TUT4: variants seen among roughly 807,000 people sequenced by gnomAD.
TUT4 encodes the protein terminal uridylyltransferase 4.
A neutral mutation model predicts 192.2 loss-of-function variants in TUT4; 36 were observed. The observed-to-expected ratio is 0.19, with a 90% confidence interval of 0.14 to 0.25. TUT4 has a LOEUF of 0.25. Among genes scored for constraint, TUT4 ranks in the 10% least tolerant of loss-of-function variants. The pLI is 1.00. For missense variants in TUT4, 1,493 were observed against 1,957.2 expected (o/e 0.76, Z 4.47); for synonymous variants, 618 against 666.0 (o/e 0.93, Z 1.11).
At chr1:52,530,118 C>G (rs1237776198) in intron 1 of TUT4, among the ~76,000 whole-genome samples, 1 of 152,136 alleles carries the variant, frequency 6.6e-6, no homozygotes, top group Non-Finnish European at 1.5e-5. Flanking sequence ...GCTAGGACTA[C>G]AGGCATGAGT....
At chr1:52,535,010 T>A (rs1009229273) in intron 1 of TUT4, 1 of 152,210 alleles carries the variant, frequency 6.6e-6, no homozygotes, top group East Asian at 1.9e-4. Flanking sequence ...TAAGAAAACT[T>A]CTAGGATGAT....
At chr1:52,470,347 T>TA (rs1162047053) in intron 14 of TUT4, among the ~76,000 whole-genome samples, 1 of 152,014 alleles carries the variant, frequency 6.6e-6, no homozygotes, top group African/African-American at 2.4e-5. Context: ...TTGAGGTAAA[T>TA]AAATTACTAA....
intron 16 of TUT4, chr1:52,463,469 C>T (rs1267552700): frequency 9.5e-7 from 1 of 1,050,480 alleles, no homozygotes; most frequent in Non-Finnish European, 1.2e-6. Flanking sequence ...CCGGGTCTAA[C>T]AATTTCAAAA....
chr1:52,476,672 AAAG>A (rs1457495778), intron 12 of TUT4, among the ~76,000 whole-genome samples: 1 of 152,224 alleles, frequency 6.6e-6, no homozygotes, highest in Admixed American at 6.5e-5. Context: ...AAAGAAAAAA[AAAG>A]AGATAAATTA....
intron 24 of TUT4, among the ~76,000 whole-genome samples, chr1:52,440,154 G>A (rs189936580): frequency 8.5e-5 from 13 of 152,248 alleles, no homozygotes; most frequent in Admixed American, 2.6e-4. Context: ...TGAGGACAAG[G>A]GTTTATTTTA....
At chr1:52,542,921 A>G (rs1046372829) in intron 1 of TUT4, among the ~76,000 whole-genome samples, 6 of 151,870 alleles carry the variant, frequency 4.0e-5, no homozygotes, top group African/African-American at 1.5e-4. Flanking sequence ...ATGCCCAGCT[A>G]ATTTTGTATT....
chr1:52,478,914 A>G (rs1442574577), intron 11 of TUT4, among the ~76,000 whole-genome samples: 1 of 152,206 alleles, frequency 6.6e-6, no homozygotes, highest in Non-Finnish European at 1.5e-5. Flanking sequence ...TCTTGCCTTC[A>G]TGGATCTTAC....
chr1:52,440,227 TA>T (rs2148335771), intron 24 of TUT4, among the ~76,000 whole-genome samples: 1 of 152,292 alleles, frequency 6.6e-6, no homozygotes, highest in Non-Finnish European at 1.5e-5. Context: ...GTATATATAT[TA>T]AAAACCACTG....
intron 27 of TUT4, chr1:52,431,716 C>T (rs182776844): frequency 3.2e-4 from 79 of 250,140 alleles, no homozygotes; most frequent in African/African-American, 1.4e-3. Flanking sequence ...CTATTGCAAA[C>T]TCAAAACTTC....
At chr1:52,440,324 T>G (rs12041832) in intron 24 of TUT4, among the ~76,000 whole-genome samples, 13,258 of 152,164 alleles carry the variant, frequency 0.087, 737 homozygotes, top group East Asian at 0.2. Flanking sequence ...AGAGACAGCA[T>G]CTCGCTGTGT....
chr1:52,500,338 A>T (rs1035718767), intron 4 of TUT4, among the ~76,000 whole-genome samples: 7 of 152,234 alleles, frequency 4.6e-5, no homozygotes, highest in Non-Finnish European at 7.3e-5. Context: ...CCTAAATGTC[A>T]GAAACTAAAA....
chr1:52,478,492 C>T (rs907907655), intron 11 of TUT4, among the ~76,000 whole-genome samples: 4 of 152,298 alleles, frequency 2.6e-5, no homozygotes, highest in Non-Finnish European at 5.9e-5. Flanking sequence ...CTAAAAGCGG[C>T]ACATATATTA....
chr1:52,529,621 A>G (rs952369494), intron 1 of TUT4: 1 of 152,206 alleles, frequency 6.6e-6, no homozygotes, highest in Non-Finnish European at 1.5e-5. Context: ...AAAACAACAA[A>G]GATTTGAAAT....
At chr1:52,429,606 T>A (rs147157106) in intron 28 of TUT4, among the ~76,000 whole-genome samples, 5,528 of 151,494 alleles carry the variant, frequency 0.036, 150 homozygotes, top group African/African-American at 0.076. Flanking sequence ...TTATTTATTT[T>A]TTTTTGAGAG....
At position 52,509,753 on chromosome 1, in the gene TUT4, CAG is replaced by C. The variant is rs1018241695; in HGVS notation, c.883-43_883-42del. Reference sequence around the variant, plus strand: ...TTAAAAATGCACTTTATTCAGAAAACAGAGGAGTAAACTATTGACTATATAAG... The same window carrying C: ...TTAAAAATGCACTTTATTCAGAAAACAGGAGTAAACTATTGACTATATAAG... On this transcript the variant is annotated intron_variant, in intron 3 of 29. Transcript: ENST00000257177. 1.5e-5 allele frequency: 17 copies of C among 1,150,334 alleles called. No homozygotes were observed. The African/African-American group carries it at 2.6e-4, about 17-fold the overall frequency. The allele number at this position is 1,150,334 out of a possible 1,614,324, so 71.3% of individuals were successfully genotyped here. A position where few individuals can be genotyped will look rare whatever the true frequency, so the allele number is the denominator to read the frequency against.
At chr1:52,516,245 G>C (rs1457717390) in intron 2 of TUT4, among the ~76,000 whole-genome samples, 191 bp from the exon 3 acceptor site, 2 of 151,994 alleles carry the variant, frequency 1.3e-5, no homozygotes, top group East Asian at 1.9e-4. Flanking sequence ...AAGTCACAAA[G>C]AAAAACCTTT....
intron 11 of TUT4, among the ~76,000 whole-genome samples, chr1:52,480,209 C>T (rs897029701): frequency 2.0e-5 from 3 of 151,968 alleles, no homozygotes; most frequent in Admixed American, 6.6e-5. Flanking sequence ...TCGTGAACTA[C>T]AGCACTTCAA....
At chr1:52,425,866 A>AG (rs975102399) in intron 28 of TUT4, among the ~76,000 whole-genome samples, 1 of 53,138 alleles carries the variant, frequency 1.9e-5, no homozygotes, top group Non-Finnish European at 3.8e-5. Flanking sequence ...CAAAATAGGG[A>AG]GGGGGTGGGG....
Position 52,446,015 on chromosome 1 carries a change from AAT to A in TUT4, c.3692-13_3692-12del, listed in dbSNP as rs1290966106. On this transcript the variant is annotated splice_polypyrimidine_tract_variant and intron_variant, in intron 22 of 29. Transcript: ENST00000257177. ...TCAAGTCAAAAGGGTCTACAAAAGA[AAT>A]ATATCAATGATTAAGAATTACATTC... 6.3e-7 allele frequency: 1 copy of A among 1,596,102 alleles called. No individual in the cohort carries two copies. The highest frequency in any genetic ancestry group is 1.1e-5 in the South Asian group (1 of 87,080).
Sources: gnomAD v4.1 joint callset for allele counts (sites outside exome capture counted in the v4.1 genomes callset) on GRCh38, gnomAD v4.1.1 for gene constraint, MANE v1.5 for transcripts, NCBI Gene and HGNC (gene_info 2026-07-23, HGNC 2026-07-21) for gene names.